RDX: variants seen among roughly 807,000 people sequenced by gnomAD.
The protein encoded by RDX is radixin.
RDX carries 32 observed loss-of-function variants against 83.7 expected under a neutral mutation model. The ratio of observed to expected loss-of-function variants is 0.38; its 90% CI spans 0.29 to 0.51. The LOEUF is 0.51. Among genes scored for constraint, RDX ranks in the 20% least tolerant of loss-of-function variants. The pLI is 0.87. For synonymous variants in RDX, 229 were observed against 222.7 expected (o/e 1.03, Z -0.25); for missense variants, 600 against 689.9 (o/e 0.87, Z 1.46).
chr11:110,180,951 A>C (rs1565278548), intron 15 of RDX, among the ~76,000 whole-genome samples: 1 of 151,878 alleles, frequency 6.6e-6, no homozygotes, highest in Non-Finnish European at 1.5e-5. Context: ...TTTATCGCTC[A>C]GCCCGGTCCT....
intron 14 of RDX, among the ~76,000 whole-genome samples, chr11:110,220,332 T>C (rs1864200100): frequency 6.6e-6 from 1 of 152,326 alleles, no homozygotes; most frequent in East Asian, 1.9e-4. Flanking sequence ...ATGTTTATTA[T>C]TACAATCAAC....
chr11:110,290,830 C>CTTTA (rs34402327), intron 1 of RDX, among the ~76,000 whole-genome samples: 65,322 of 151,710 alleles, frequency 0.43, 14,136 homozygotes, highest in East Asian at 0.51. Context: ...TCAAATAAAA[C>CTTTA]TTTATAAAAA....
chr11:110,206,349 A>C (rs1863603770), intron 14 of RDX, among the ~76,000 whole-genome samples: 1 of 152,096 alleles, frequency 6.6e-6, no homozygotes, highest in South Asian at 2.1e-4. Flanking sequence ...TAAATACAGC[A>C]GTGAAAATGA....
intron 2 of RDX, among the ~76,000 whole-genome samples, chr11:110,273,962 G>C (rs1860404065): frequency 6.6e-6 from 1 of 152,104 alleles, no homozygotes; most frequent in Non-Finnish European, 1.5e-5. Context: ...TGAGGACACA[G>C]CTTGTGCCAT....
At chr11:110,259,161 C>T (rs1010178246) in intron 5 of RDX, among the ~76,000 whole-genome samples, 1 of 152,044 alleles carries the variant, frequency 6.6e-6, no homozygotes, top group Non-Finnish European at 1.5e-5. Context: ...TGGTCTTGAA[C>T]TCCTGACCTC....
At chr11:110,183,684 T>C (rs553377774) in intron 15 of RDX, among the ~76,000 whole-genome samples, 5 of 152,342 alleles carry the variant, frequency 3.3e-5, no homozygotes, top group East Asian at 1.9e-4. Flanking sequence ...TGACCTTTTT[T>C]CTCTGCCACT....
chr11:110,258,075 A>T, intron 6 of RDX, 31 bp downstream of exon 6: 2 of 1,542,022 alleles, frequency 1.3e-6, no homozygotes, highest in Non-Finnish European at 1.8e-6. Flanking sequence ...TGAAGGAAAA[A>T]AGAAAACATA....
Position 110,286,910 on chromosome 11 carries a change from A to G in RDX, c.-64-7154T>C, listed in dbSNP as rs374160042. 5.9e-5 allele frequency: 9 copies of G among 152,362 alleles called. No individual in the cohort carries two copies. In the East Asian group the frequency reaches 1.7e-3, roughly 29 times the overall value. The allele number at this position is 152,362 out of a possible 1,614,324, so 9.4% of individuals were successfully genotyped here. On this transcript the variant is annotated intron_variant, in intron 1 of 13. Coordinates refer to ENST00000645495, the MANE Select transcript of RDX (RefSeq NM_002906.4). ...ACTCTTTCTAAGAAAAGTATTTTTA[A>G]ATGCATAAAATACATGCACACAATA...
chr11:110,271,500 G>C (rs1446693322), intron 3 of RDX, among the ~76,000 whole-genome samples: 1 of 151,984 alleles, frequency 6.6e-6, no homozygotes, highest in Non-Finnish European at 1.5e-5. Flanking sequence ...TTAATCCCTG[G>C]GGCCAATCCC....
chr11:110,188,216 C>A (rs1336686941), intron 15 of RDX, among the ~76,000 whole-genome samples: 1 of 151,772 alleles, frequency 6.6e-6, no homozygotes, highest in Admixed American at 6.6e-5. Context: ...ATCACTTGAA[C>A]CCAGGAGGCA....
intron 1 of RDX, among the ~76,000 whole-genome samples, chr11:110,294,291 T>A (rs557452987): frequency 6.6e-6 from 1 of 152,136 alleles, no homozygotes; most frequent in Non-Finnish European, 1.5e-5. Flanking sequence ...GCTACTCGGG[T>A]GGCTGAGGTA....
chr11:110,176,782 G>A (rs1382235572), intron 15 of RDX, among the ~76,000 whole-genome samples: 1 of 152,194 alleles, frequency 6.6e-6, no homozygotes, highest in Non-Finnish European at 1.5e-5. Context: ...GCCACAGCTT[G>A]TGCTCCTTGA....
intron 10 of RDX, among the ~76,000 whole-genome samples, chr11:110,246,046 T>A (rs1201690879): frequency 6.6e-6 from 1 of 152,142 alleles, no homozygotes; most frequent in Admixed American, 6.5e-5. Context: ...AACAGGCATA[T>A]GCCACCACAC....
At chr11:110,281,732 A>G (rs1175893821) in intron 1 of RDX, among the ~76,000 whole-genome samples, 13 of 152,052 alleles carry the variant, frequency 8.5e-5, no homozygotes. Flanking sequence ...TTTCAGTCCA[A>G]TTTTTAAATT....
At chr11:110,233,887 G>A (rs896942023) in intron 12 of RDX, among the ~76,000 whole-genome samples, 7 of 152,074 alleles carry the variant, frequency 4.6e-5, no homozygotes, top group Admixed American at 2.6e-4. Context: ...ACCGAATAAC[G>A]GAGGAATGAG....
rs370760081 is a variant in RDX at position 110,295,642 on chromosome 11, G to GAA, written c.-65+823_-65+824dup. Among the ~76,000 whole-genome samples, 350 of 122,234 alleles carry GAA rather than the reference G, an allele frequency of 2.9e-3. 7 individuals are homozygous for GAA. The highest frequency in any genetic ancestry group is 6.1e-3 in the African/African-American group (195 of 31,766). The allele number at this position is 122,234 out of a possible 152,430, so 80.2% of individuals were successfully genotyped here. A position where few individuals can be genotyped will look rare whatever the true frequency, so the allele number is the denominator to read the frequency against. ...GGAAGTGATGTAGTCTGTTTAAACT[G>GAA]AAAAAAAAAAAAAAACAAAAATGCA... On this transcript the variant is annotated intron_variant, in intron 1 of 13. Transcript: ENST00000645495.
intron 12 of RDX, among the ~76,000 whole-genome samples, chr11:110,234,848 G>A (rs768144435): frequency 2.6e-4 from 39 of 152,246 alleles, no homozygotes; most frequent in Admixed American, 1.6e-3. Flanking sequence ...ACTGTTTTCT[G>A]TATAAGTACA....
chr11:110,296,037 T>G (rs182481961), intron 1 of RDX, among the ~76,000 whole-genome samples: 2 of 152,222 alleles, frequency 1.3e-5, no homozygotes, highest in Admixed American at 6.5e-5. Context: ...ACGCTGAATA[T>G]CTGGATTTTC....
At chr11:110,270,617 A>T (rs1244131452) in intron 3 of RDX, among the ~76,000 whole-genome samples, 1 of 152,228 alleles carries the variant, frequency 6.6e-6, no homozygotes, top group East Asian at 1.9e-4. Context: ...CTAATTGTAC[A>T]AACGAGAAAA....
Sources: allele counts gnomAD v4.1 joint callset (sites outside exome capture counted in the v4.1 genomes callset), GRCh38; gene constraint gnomAD v4.1.1; transcripts MANE v1.5; gene names NCBI Gene and HGNC (gene_info 2026-07-23, HGNC 2026-07-21).